The following KCNQ3 variants were observed in gnomAD, a reference collection of about 807,000 sequenced individuals.
KCNQ3 encodes the protein potassium voltage-gated channel subfamily Q member 3.
KCNQ3 carries 30 observed loss-of-function variants against 92.5 expected under a neutral mutation model. The ratio of observed to expected loss-of-function variants is 0.32; its 90% confidence interval spans 0.24 to 0.44. The LOEUF (loss-of-function observed/expected upper bound fraction) is 0.44, where lower values mean the gene tolerates loss of function less well. KCNQ3 is among the 20% of genes least tolerant of loss of function. The pLI, the probability that KCNQ3 is intolerant of heterozygous loss-of-function variation, is 1.00. For missense variants in KCNQ3, 913 were observed against 1,140.3 expected, an observed-to-expected ratio of 0.80 and a Z score of 2.87; for synonymous variants, 450 against 468.8, an observed-to-expected ratio of 0.96 and a Z score of 0.52.
intron 1 of KCNQ3, among the ~76,000 whole-genome samples, chr8:132,412,876 C>T (rs1010181471): frequency 6.6e-6 from 1 of 152,198 alleles, no homozygotes; most frequent in African/African-American, 2.4e-5. Context: ...GTTCTGTTGA[C>T]CCGGATCACT....
chr8:132,376,701 T>C (rs1222141067), intron 1 of KCNQ3, among the ~76,000 whole-genome samples: 1 of 152,218 alleles, frequency 6.6e-6, no homozygotes, highest in Non-Finnish European at 1.5e-5. Context: ...ACTTGGCCAG[T>C]TGTTTTGATA....
chr8:132,320,210 G>A (rs1391372158), intron 1 of KCNQ3, among the ~76,000 whole-genome samples: 1 of 152,162 alleles, frequency 6.6e-6, no homozygotes, highest in Admixed American at 6.5e-5. Context: ...GGGCTCTGGA[G>A]GCCAAATGTG....
At chr8:132,455,111 T>C (rs1207815873) in intron 1 of KCNQ3, among the ~76,000 whole-genome samples, 1 of 152,160 alleles carries the variant, frequency 6.6e-6, no homozygotes, top group East Asian at 1.9e-4. Flanking sequence ...CACATAAAAA[T>C]AGTTAAAATG....
At chr8:132,335,420 A>G (rs1818342501) in intron 1 of KCNQ3, among the ~76,000 whole-genome samples, 1 of 151,990 alleles carries the variant, frequency 6.6e-6, no homozygotes, top group Non-Finnish European at 1.5e-5. Context: ...CTCCAGTCTC[A>G]CTGTCTACTC....
chr8:132,471,762 A>G (rs1258360515), intron 1 of KCNQ3, among the ~76,000 whole-genome samples: 2 of 152,224 alleles, frequency 1.3e-5, no homozygotes, highest in African/African-American at 4.8e-5. Context: ...AACAAAAAAT[A>G]GGCAAATGGG....
rs74681197 is a variant in KCNQ3 at position 132,314,318 on chromosome 8, C to A, written c.387-128137G>T. 4.7e-3 allele frequency among the ~76,000 whole-genome samples: 716 copies of A among 152,266 alleles called. 5 individuals carry two copies. The highest frequency in any genetic ancestry group is 0.017 in the African/African-American group (694 of 41,554). Reference sequence around the variant, plus strand: ...GGGAATAAAAGTCCCGACATTAAGTCGTCAGGTCTAGAGGAAGACAGACAA... The same window carrying A: ...GGGAATAAAAGTCCCGACATTAAGTAGTCAGGTCTAGAGGAAGACAGACAA... On this transcript the variant is annotated intron_variant, in intron 1 of 14. Coordinates refer to ENST00000388996, the MANE Select transcript of KCNQ3 (RefSeq NM_004519.4).
In KCNQ3 at chr8:132,180,022, T is replaced by C. The variant is rs41272383; in HGVS notation, c.777+135A>G. 0.057 allele frequency: 57,899 copies of C among 1,011,386 alleles called. 1,980 individuals carry two copies. The highest frequency in any genetic ancestry group is 0.068 in the Non-Finnish European group (45,086 of 660,888). 62.7% of individuals were successfully genotyped at this position (1,011,386 alleles called of 1,614,324 possible). A position where few individuals can be genotyped will look rare whatever the true frequency, so the allele number is the denominator to read the frequency against. ...CGCCACTTCCTGTTTCTCCTCCTCC[T>C]CTTCCTCTTTGTCGTTATCATCAAG... is the stretch of plus-strand genomic sequence containing the variant. On this transcript the variant is annotated intron_variant, in intron 4 of 14. Transcript: ENST00000388996.
At chr8:132,456,844 C>T (rs1302030170) in intron 1 of KCNQ3, among the ~76,000 whole-genome samples, 3 of 152,248 alleles carry the variant, frequency 2.0e-5, no homozygotes, top group South Asian at 2.1e-4. Flanking sequence ...AAACTCCTGA[C>T]CTCAGTGATC....
At chr8:132,236,145 T>C (rs1045290956) in intron 1 of KCNQ3, among the ~76,000 whole-genome samples, 1 of 152,230 alleles carries the variant, frequency 6.6e-6, no homozygotes, top group Non-Finnish European at 1.5e-5. Context: ...TGGAGAGCTA[T>C]CTATTCTACT....
intron 1 of KCNQ3, among the ~76,000 whole-genome samples, chr8:132,352,957 C>A (rs1215418586): frequency 6.6e-6 from 1 of 152,148 alleles, no homozygotes; most frequent in African/African-American, 2.4e-5. Flanking sequence ...GTGAAGCACA[C>A]AAAGTAGGAT....
At chr8:132,191,075 C>T (rs1332557042) in intron 1 of KCNQ3, among the ~76,000 whole-genome samples, 2 of 152,216 alleles carry the variant, frequency 1.3e-5, no homozygotes, top group East Asian at 3.8e-4. Flanking sequence ...ATAAGGTGAA[C>T]TTGGAGAGAC....
intron 9 of KCNQ3, 32 bp downstream of exon 9, chr8:132,163,436 G>A: frequency 1.3e-6 from 2 of 1,591,788 alleles, no homozygotes; most frequent in South Asian, 1.1e-5. Flanking sequence ...ACACAGAGAT[G>A]TGAAGAAGGG....
At chr8:132,199,472 C>G (rs748886917) in intron 1 of KCNQ3, among the ~76,000 whole-genome samples, 1 of 152,100 alleles carries the variant, frequency 6.6e-6, no homozygotes, top group Non-Finnish European at 1.5e-5. Context: ...TTTGTCTTCC[C>G]TCTTTGGTAT....
intron 1 of KCNQ3, among the ~76,000 whole-genome samples, chr8:132,263,296 C>A (rs998353076): frequency 1.3e-5 from 2 of 152,220 alleles, no homozygotes; most frequent in African/African-American, 4.8e-5. Flanking sequence ...TATGTGCTTT[C>A]TTTGAGCCCC....
At chr8:132,410,773 G>C (rs1260877826) in intron 1 of KCNQ3, among the ~76,000 whole-genome samples, 1 of 152,200 alleles carries the variant, frequency 6.6e-6, no homozygotes, top group African/African-American at 2.4e-5. Flanking sequence ...GTCATTACAC[G>C]ATAACTCTGG....
intron 9 of KCNQ3, among the ~76,000 whole-genome samples, 191 bp from the exon 10 acceptor site, chr8:132,141,522 A>G (rs906857399): frequency 2.0e-5 from 3 of 152,154 alleles, no homozygotes; most frequent in Admixed American, 6.5e-5. Context: ...ACAGCCTGCT[A>G]GCTCTTATAC....
chr8:132,301,839 A>C (rs1451294082), intron 1 of KCNQ3, among the ~76,000 whole-genome samples: 1 of 152,262 alleles, frequency 6.6e-6, no homozygotes, highest in East Asian at 1.9e-4. Flanking sequence ...TGTCCAACAG[A>C]AAGTTGGCTC....
chr8:132,136,657 G>T (rs1321018632), intron 12 of KCNQ3, among the ~76,000 whole-genome samples: 1 of 152,052 alleles, frequency 6.6e-6, no homozygotes, highest in South Asian at 2.1e-4. Flanking sequence ...TCATCACAAG[G>T]TCTAGGCAGA....
Position 132,208,729 on chromosome 8 carries a change from G to A in KCNQ3, c.387-22548C>T, listed in dbSNP as rs137942053. On this transcript the variant is annotated intron_variant, in intron 1 of 14. Coordinates refer to ENST00000388996, the MANE Select transcript of KCNQ3 (RefSeq NM_004519.4). ...CTCAATTTCCTCCCCTGCAAAACGG[G>A]TCTAATCAATAGACTTCTAATGGGT... Among the ~76,000 whole-genome samples the A allele has an allele frequency of 3.3e-5, 5 of 152,254 alleles. No homozygotes were observed. The East Asian group carries it at 7.7e-4, about 24-fold the overall frequency.
Sources: gnomAD v4.1 joint callset for allele counts (sites outside exome capture counted in the v4.1 genomes callset) on GRCh38, gnomAD v4.1.1 for gene constraint, MANE v1.5 for transcripts, NCBI Gene and HGNC (gene_info 2026-07-23, HGNC 2026-07-21) for gene names.